The following PTPRJ variants were observed in gnomAD, a reference collection of about 807,000 sequenced individuals.
PTPRJ encodes the protein receptor-type tyrosine-protein phosphatase eta.
A neutral mutation model predicts 141.3 loss-of-function variants in PTPRJ; 129 were observed. The observed-to-expected ratio is 0.91, with a 90% CI of 0.79 to 1.06. The LOEUF (loss-of-function observed/expected upper bound fraction) is 1.06. PTPRJ is among the 50% of genes least tolerant of loss of function. The pLI is 0.00. For synonymous variants in PTPRJ, 610 were observed against 640.5 expected, an observed-to-expected ratio of 0.95 and a Z score of 0.72; for missense variants, 1,601 against 1,679.7, an observed-to-expected ratio of 0.95 and a Z score of 0.82.
In PTPRJ at chr11:48,125,059, CCAG is replaced by C; in HGVS notation, c.970_972del (p.Gln324del). 2 of 1,614,106 alleles carry C rather than the reference CCAG, an allele frequency of 1.2e-6. No individual in the cohort carries two copies. Among genetic ancestry groups the C allele is most frequent in the Non-Finnish European group, 1.7e-6 (2 of 1,180,024 alleles). ...TGGGACCTGTGGACCCATCCTCCGG[CCAG>C]CAGTCCCGAGACACGGAAGTCCTGC... On this transcript the variant is annotated inframe_deletion, in exon 6 of 25. Transcript: ENST00000418331.
chr11:48,063,521 T>G (rs1476357181), intron 1 of PTPRJ, among the ~76,000 whole-genome samples: 1 of 152,168 alleles, frequency 6.6e-6, no homozygotes, highest in Non-Finnish European at 1.5e-5. Context: ...CCTGCTCAGT[T>G]CTCATTAAAA....
At chr11:48,015,775 T>G (rs1345911324) in intron 1 of PTPRJ, 1 of 140,060 alleles carries the variant, frequency 7.1e-6, no homozygotes, top group African/African-American at 2.7e-5. Context: ...CCCTTGAACC[T>G]GGTGGAGGTC....
chr11:48,120,925 C>T, intron 3 of PTPRJ, 78 bp from the exon 4 acceptor site: 1 of 1,309,672 alleles, frequency 7.6e-7, no homozygotes, highest in South Asian at 1.6e-5. Flanking sequence ...CTTCTGGAAA[C>T]TAGACATATA....
intron 1 of PTPRJ, among the ~76,000 whole-genome samples, chr11:48,109,212 A>G (rs896307126): frequency 1.3e-5 from 2 of 152,140 alleles, no homozygotes; most frequent in African/African-American, 4.8e-5. Flanking sequence ...TCTAAGTGTC[A>G]TGGAAAGTAG....
intron 1 of PTPRJ, among the ~76,000 whole-genome samples, chr11:48,106,763 C>CTTTTTTTTTTTT (rs35643138): frequency 8.1e-5 from 7 of 86,438 alleles, no homozygotes; most frequent in South Asian, 3.9e-4. Context: ...TTCTTTCTTT[C>CTTTTTTTTTTTT]TTTTTTTTTT....
intron 1 of PTPRJ, among the ~76,000 whole-genome samples, chr11:48,018,863 C>T (rs527524994): frequency 6.6e-6 from 1 of 152,166 alleles, no homozygotes; most frequent in Non-Finnish European, 1.5e-5. Context: ...TGACAGCTGC[C>T]CAGGGAGGGT....
intron 1 of PTPRJ, among the ~76,000 whole-genome samples, chr11:48,045,818 C>G (rs1854379630): frequency 6.6e-6 from 1 of 152,198 alleles, no homozygotes; most frequent in African/African-American, 2.4e-5. Context: ...GCCTGGCCAC[C>G]TGGTACTTAA....
intron 1 of PTPRJ, among the ~76,000 whole-genome samples, chr11:48,027,454 A>G (rs972755503): frequency 7.2e-5 from 11 of 151,982 alleles, no homozygotes; most frequent in Admixed American, 7.2e-4. Context: ...ATTGTTGCTA[A>G]TAAGGTGGAA....
At chr11:48,094,655 T>C (rs900755042) in intron 1 of PTPRJ, among the ~76,000 whole-genome samples, 1 of 152,174 alleles carries the variant, frequency 6.6e-6, no homozygotes, top group Non-Finnish European at 1.5e-5. Flanking sequence ...ATGTGTCAAA[T>C]TGGAGATTTG....
intron 8 of PTPRJ, chr11:48,132,263 C>T (rs1856998030): frequency 9.1e-6 from 9 of 985,224 alleles, no homozygotes; most frequent in Non-Finnish European, 9.6e-6. Flanking sequence ...TAGTCAGCTA[C>T]GGTGGCCTGC....
intron 1 of PTPRJ, among the ~76,000 whole-genome samples, chr11:48,044,101 A>G (rs991426739): frequency 6.6e-6 from 1 of 152,230 alleles, no homozygotes; most frequent in Non-Finnish European, 1.5e-5. Context: ...GACTGCGCAC[A>G]TGCGAAAGAC....
intron 1 of PTPRJ, among the ~76,000 whole-genome samples, chr11:48,024,013 A>AT (rs1385644628): frequency 6.6e-6 from 1 of 151,762 alleles, no homozygotes; most frequent in African/African-American, 2.4e-5. Context: ...AAATATATAT[A>AT]AAAAAAGGAA....
At chr11:48,132,153 T>C in intron 8 of PTPRJ, 2 of 985,452 alleles carry the variant, frequency 2.0e-6, no homozygotes, top group Non-Finnish European at 2.4e-6. Flanking sequence ...TACTGTGCTG[T>C]GTTGGGCAGG....
chr11:48,092,935 G>A (rs1477288760), intron 1 of PTPRJ, among the ~76,000 whole-genome samples: 1 of 152,186 alleles, frequency 6.6e-6, no homozygotes, highest in Non-Finnish European at 1.5e-5. Context: ...TTTCCAGTCT[G>A]AGTTTGCAAA....
chr11:48,069,737 G>A (rs998727179), intron 1 of PTPRJ, among the ~76,000 whole-genome samples: 37 of 152,110 alleles, frequency 2.4e-4, no homozygotes, highest in African/African-American at 8.4e-4. Context: ...AGGCCTCTGC[G>A]CCTGGCCTTG....
chr11:48,083,471 G>C (rs1855620575), intron 1 of PTPRJ, among the ~76,000 whole-genome samples: 1 of 152,208 alleles, frequency 6.6e-6, no homozygotes, highest in South Asian at 2.1e-4. Context: ...TTATTTTATT[G>C]TGAAACACTT....
Position 48,003,789 on chromosome 11 carries a change from C to G in PTPRJ, c.96+22781C>G, listed in dbSNP as rs1854559390. Among the ~76,000 whole-genome samples, 2 of 152,328 alleles carry G rather than the reference C, an allele frequency of 1.3e-5. 1 individual carries two copies. The highest frequency in any genetic ancestry group is 4.1e-4 in the South Asian group (2 of 4,828). On this transcript the variant is annotated intron_variant, in intron 1 of 24. Transcript: ENST00000418331. The stretch of plus-strand genomic sequence containing the variant: ...GGGATTACAGGCGTGAGCCACCGTG[C>G]CCAGCCAATATTTTAAATTTAATGT...
chr11:48,149,525 T>C (rs1474360603), intron 16 of PTPRJ, 37 bp downstream of exon 16: 1 of 1,314,554 alleles, frequency 7.6e-7, no homozygotes. Flanking sequence ...TTTTAAATCC[T>C]CCAATCTGTT....
rs1319102911 is a variant in PTPRJ at position 48,139,552 on chromosome 11, G to A, written c.2219G>A (p.Trp740Ter). The A allele has an allele frequency of 6.2e-7, 1 of 1,614,256 alleles. No individual in the cohort carries two copies. Among genetic ancestry groups the A allele is most frequent in the Non-Finnish European group, 8.5e-7 (1 of 1,180,048 alleles). Residue 740 changes from tryptophan (W) to a stop codon, truncating the protein, a stop_gained, in exon 11 of 25, where the codon TGG becomes TAG. Coordinates refer to ENST00000418331, the MANE Select transcript of PTPRJ (RefSeq NM_002843.4). LOFTEE classifies it high-confidence loss of function. ...VPKEPALVLK[W>*]TCPPGANAGF... The stretch of plus-strand genomic sequence containing the variant: ...AAAGAGCCAGCCCTGGTTCTCAAAT[G>A]GACCTGCCCTCCTGGCGCCAATGCA...
Sources: allele counts gnomAD v4.1 joint callset (sites outside exome capture counted in the v4.1 genomes callset), GRCh38; gene constraint gnomAD v4.1.1; transcripts MANE v1.5; gene names NCBI Gene and HGNC (gene_info 2026-07-23, HGNC 2026-07-21).